The following CDC42BPA variants were observed in gnomAD, a reference collection of about 807,000 sequenced individuals.
CDC42BPA encodes CDC42 binding protein kinase alpha.
A neutral mutation model predicts 223.5 loss-of-function variants in CDC42BPA; 80 were observed. The ratio of observed to expected loss-of-function variants is 0.36; its 90% CI spans 0.30 to 0.43. The LOEUF (loss-of-function observed/expected upper bound fraction) is 0.43. Ranked by LOEUF, CDC42BPA falls within the 20% of genes least tolerant of loss-of-function variation. CDC42BPA has a pLI of 1.00. For synonymous variants in CDC42BPA, 694 were observed against 718.6 expected, an observed-to-expected ratio of 0.97 and a Z score of 0.55; for missense variants, 1,743 against 2,099.9, an observed-to-expected ratio of 0.83 and a Z score of 3.32.
Position 227,279,474 on chromosome 1 carries a change from G to A in CDC42BPA, c.179-25319C>T, listed in dbSNP as rs1405127801. Among the ~76,000 whole-genome samples the A allele has an allele frequency of 2.6e-5, 4 of 151,904 alleles. No individual in the cohort carries two copies. The South Asian group carries it at 8.3e-4, about 32-fold the overall frequency. ...AAGTTAAAATAGCATGGAAATATCTGTAAAGGTCTGACCATACCAGAAAAT... is the reference window on the plus strand; with the variant it reads ...AAGTTAAAATAGCATGGAAATATCTATAAAGGTCTGACCATACCAGAAAAT... On this transcript the variant is annotated intron_variant, in intron 1 of 36. Transcript: ENST00000366766.
chr1:227,166,241 G>A (rs985945320), intron 5 of CDC42BPA, among the ~76,000 whole-genome samples: 3 of 152,148 alleles, frequency 2.0e-5, no homozygotes, highest in Admixed American at 6.5e-5. Flanking sequence ...TTGGGCAGAC[G>A]GAAACTCTCC....
At chr1:227,212,905 C>T (rs1460859795) in intron 3 of CDC42BPA, among the ~76,000 whole-genome samples, 2 of 152,026 alleles carry the variant, frequency 1.3e-5, no homozygotes, top group Admixed American at 6.6e-5. Flanking sequence ...TGCATAAGCC[C>T]CCCATTACAA....
chr1:227,065,411 T>G (rs1395074640), intron 21 of CDC42BPA, among the ~76,000 whole-genome samples: 1 of 152,238 alleles, frequency 6.6e-6, no homozygotes, highest in Non-Finnish European at 1.5e-5. Context: ...GAATATGCTC[T>G]GCTCTGCCTG....
At chr1:227,278,334 A>G (rs553952612) in intron 1 of CDC42BPA, among the ~76,000 whole-genome samples, 1 of 152,354 alleles carries the variant, frequency 6.6e-6, no homozygotes, top group South Asian at 2.1e-4. Context: ...TTTAAATAGA[A>G]TTCTATCAAA....
intron 5 of CDC42BPA, among the ~76,000 whole-genome samples, chr1:227,169,689 C>G (rs1231387416): frequency 6.6e-6 from 1 of 152,190 alleles, no homozygotes; most frequent in Non-Finnish European, 1.5e-5. Flanking sequence ...CAGCCCCAGG[C>G]TGAGAGCTGC....
At chr1:227,110,478 C>T (rs1049392396) in intron 14 of CDC42BPA, among the ~76,000 whole-genome samples, 2 of 152,052 alleles carry the variant, frequency 1.3e-5, no homozygotes, top group Admixed American at 1.3e-4. Context: ...AAATAAAAAG[C>T]AAACCATTAG....
chr1:227,149,756 G>T (rs189184269), intron 6 of CDC42BPA, among the ~76,000 whole-genome samples: 1 of 152,090 alleles, frequency 6.6e-6, no homozygotes, highest in African/African-American at 2.4e-5. Context: ...TTAAAAAACG[G>T]AAAATTTGGA....
intron 1 of CDC42BPA, among the ~76,000 whole-genome samples, chr1:227,281,699 C>T (rs947193738): frequency 1.3e-5 from 2 of 152,260 alleles, no homozygotes; most frequent in Admixed American, 1.3e-4. Flanking sequence ...AGAGCTTTTG[C>T]AAGTGCTCCA....
chr1:227,291,530 C>A (rs1389873495), intron 1 of CDC42BPA, among the ~76,000 whole-genome samples: 1 of 151,986 alleles, frequency 6.6e-6, no homozygotes. Flanking sequence ...GCCTGGGTGA[C>A]AGAGTGAGAC....
At chr1:227,087,097 T>G (rs907620318) in intron 16 of CDC42BPA, among the ~76,000 whole-genome samples, 3 of 152,216 alleles carry the variant, frequency 2.0e-5, no homozygotes, top group African/African-American at 7.2e-5. Context: ...GATGCTCAAT[T>G]TATCATTACT....
At chr1:227,059,827 T>C (rs1675423400) in intron 21 of CDC42BPA, among the ~76,000 whole-genome samples, 1 of 152,162 alleles carries the variant, frequency 6.6e-6, no homozygotes, top group Admixed American at 6.5e-5. Context: ...TTTTACTCTT[T>C]TCAAAAATGA....
chr1:227,124,618 G>A (rs1689221899), intron 11 of CDC42BPA, among the ~76,000 whole-genome samples: 1 of 152,260 alleles, frequency 6.6e-6, no homozygotes, highest in East Asian at 1.9e-4. Flanking sequence ...TGAAGGAAGT[G>A]GAGCATCACT....
At chr1:227,268,784 G>GA (rs1685501192) in intron 1 of CDC42BPA, among the ~76,000 whole-genome samples, 1 of 151,340 alleles carries the variant, frequency 6.6e-6, no homozygotes, top group Non-Finnish European at 1.5e-5. Context: ...CTCCTGGGCT[G>GA]AAACAATCCT....
intron 31 of CDC42BPA, among the ~76,000 whole-genome samples, chr1:227,024,314 C>A (rs1269241446): frequency 6.6e-6 from 1 of 152,130 alleles, no homozygotes; most frequent in Non-Finnish European, 1.5e-5. Flanking sequence ...TGAATCCTGA[C>A]AATGGAAAGT....
chr1:227,298,242 T>C (rs920133267), intron 1 of CDC42BPA, among the ~76,000 whole-genome samples: 1 of 151,720 alleles, frequency 6.6e-6, no homozygotes, highest in African/African-American at 2.4e-5. Context: ...CAAGCAACAG[T>C]TAAAGCACAT....
chr1:227,247,852 A>T (rs1254869984), intron 2 of CDC42BPA, among the ~76,000 whole-genome samples: 1 of 152,164 alleles, frequency 6.6e-6, no homozygotes, highest in Non-Finnish European at 1.5e-5. Context: ...ACTGCACTCC[A>T]ACCTGGGTGA....
chr1:227,080,581 A>G (rs978537682), intron 17 of CDC42BPA, among the ~76,000 whole-genome samples: 2 of 152,190 alleles, frequency 1.3e-5, no homozygotes, highest in Non-Finnish European at 1.5e-5. Context: ...AAACATCCAT[A>G]GGTAGCAGAT....
chr1:227,040,183 A>G lies in CDC42BPA; in HGVS notation c.3147T>C (p.His1049=), dbSNP rs371759696. 3.1e-6 allele frequency: 5 copies of G among 1,613,406 alleles called. No homozygotes were observed. The highest frequency in any genetic ancestry group is 4.2e-6 in the Non-Finnish European group (5 of 1,179,456). The stretch of plus-strand genomic sequence containing the variant: ...AACCCACCATCAAGGAGGTACACTG[A>G]TGACACTTGGTAGGAGTAGTAAAAG... ...VKSFTTPTKC[H]QCTSLMVGLI... Residue 1049 remains histidine (H), a synonymous_variant, in exon 24 of 37, where the codon CAT becomes CAC. Coordinates refer to ENST00000366766, the MANE Select transcript of CDC42BPA (RefSeq NM_001394014.1).
chr1:227,105,695 T>C (rs1277547643), intron 14 of CDC42BPA, among the ~76,000 whole-genome samples: 1 of 152,154 alleles, frequency 6.6e-6, no homozygotes, highest in Admixed American at 6.5e-5. Flanking sequence ...AGTGGAATCA[T>C]ATAGTATTTG....
Sources: gnomAD v4.1 joint callset for allele counts (sites outside exome capture counted in the v4.1 genomes callset) on GRCh38, gnomAD v4.1.1 for gene constraint, MANE v1.5 for transcripts, NCBI Gene and HGNC (gene_info 2026-07-23, HGNC 2026-07-21) for gene names.